Variants in ZNF416 observed in about 807,000 individuals in gnomAD.
The protein encoded by ZNF416 is zinc finger protein 416.
A neutral mutation model predicts 10.9 loss-of-function variants in ZNF416; 5 were observed. The ratio of observed to expected loss-of-function variants is 0.46; its 90% CI spans 0.24 to 0.97. ZNF416 has a LOEUF of 0.97. Ranked by LOEUF, ZNF416 falls within the 50% of genes least tolerant of loss-of-function variation. ZNF416 has a pLI of 0.19. For missense variants in ZNF416, 675 were observed against 715.0 expected, an observed-to-expected ratio of 0.94 and a Z score of 0.64; for synonymous variants, 267 against 251.8, an observed-to-expected ratio of 1.06 and a Z score of -0.57.
chr19:57,574,160 C>T (rs1055850919), intron 3 of ZNF416, among the ~76,000 whole-genome samples: 3 of 152,200 alleles, frequency 2.0e-5, no homozygotes, highest in African/African-American at 7.2e-5. Context: ...ATCCAGAGCC[C>T]ATACTCCCAA....
Position 57,572,957 on chromosome 19 carries a change from T to C in ZNF416, c.947A>G (p.His316Arg), listed in dbSNP as rs775701329. The change falls in exon 4 of 4, where the codon CAT (histidine) becomes CGT (arginine). Residue 316 changes from histidine to arginine, a missense_variant. Transcript: ENST00000196489. The surrounding 1 kb of genome is among the most constrained non-coding windows in gnomAD (Gnocchi z 4.5). ...SFSQRATLIK[H>R]HRVHTGERPY... ...CCTTTCTCCAGTGTGAACTCTGTGATGTTTAATGAGGGTGGCTCTTTGGCT... is the reference window on the plus strand; with the variant it reads ...CCTTTCTCCAGTGTGAACTCTGTGACGTTTAATGAGGGTGGCTCTTTGGCT... 1.2e-6 allele frequency: 2 copies of C among 1,614,208 alleles called. No individual in the cohort carries two copies. The highest frequency in any genetic ancestry group is 2.2e-5 in the South Asian group (2 of 91,084).
Position 57,573,317 on chromosome 19 carries a change from T to C in ZNF416, c.587A>G (p.Glu196Gly). 1 of 1,614,276 alleles carries C rather than the reference T, an allele frequency of 6.2e-7. No homozygotes were observed. The highest frequency in any genetic ancestry group is 8.5e-7 in the Non-Finnish European group (1 of 1,180,044). The change falls in exon 4 of 4, where the codon GAG (glutamate) becomes GGG (glycine). Residue 196 changes from glutamate (E) to glycine (G), a missense_variant. Coordinates refer to ENST00000196489, the MANE Select transcript of ZNF416 (RefSeq NM_017879.3). The part of the protein sequence containing the change: ...ILQPQAIANY[E>G]KPNKISKCEE... ...ACATTTGCTGATTTTGTTTGGCTTCTCATAGTTAGCAATAGCTTGCGGCTG... is the reference window on the plus strand; with the variant it reads ...ACATTTGCTGATTTTGTTTGGCTTCCCATAGTTAGCAATAGCTTGCGGCTG...
chr19:57,578,583 G>T, intron 1 of ZNF416, 89 bp downstream of exon 1: 1 of 1,391,630 alleles, frequency 7.2e-7, no homozygotes, highest in Non-Finnish European at 9.6e-7. Flanking sequence ...CTAGGGTCGG[G>T]CTGCAGGGAC....
At chr19:57,577,908 G>T in intron 2 of ZNF416, 149 bp downstream of exon 2, 1 of 802,740 alleles carries the variant, frequency 1.2e-6, no homozygotes, top group Non-Finnish European at 2.0e-6. Flanking sequence ...CCAGCTTCCA[G>T]CCTGGATGTA....
intron 2 of ZNF416, among the ~76,000 whole-genome samples, chr19:57,576,456 A>G (rs943713989): frequency 2.0e-5 from 3 of 152,050 alleles, no homozygotes; most frequent in African/African-American, 7.2e-5. Flanking sequence ...AGTGCTTGGC[A>G]AACTGAAATG....
rs1204800697 is a variant in ZNF416, at chr19:57,575,167, G to A, written c.202+637C>T. ...GATTAGAAAACAGGCTGGATGCCAT[G>A]TCCTCACCCAGGTGCCACTGACTGA... On this transcript the variant is annotated intron_variant, in intron 3 of 3. Coordinates refer to ENST00000196489, the MANE Select transcript of ZNF416 (RefSeq NM_017879.3). This position sits in a 1 kb window ranked among gnomAD's most constrained non-coding sequence, Gnocchi z 4.4. 2.6e-5 allele frequency among the ~76,000 whole-genome samples: 4 copies of A among 152,174 alleles called. No homozygotes were observed. Among genetic ancestry groups the A allele is most frequent in the African/African-American group, 9.7e-5 (4 of 41,418 alleles).
Position 57,578,727 on chromosome 19 carries a change from C to A in ZNF416, c.-23G>T. On this transcript the variant is annotated 5_prime_UTR_variant, in exon 1 of 4. Transcript: ENST00000196489. ...CATCGGATTGTGAGCGGAGCGGGGCCGGGAGCGGCGGGCGACCCGGGGCGG... is the reference window on the plus strand; with the variant it reads ...CATCGGATTGTGAGCGGAGCGGGGCAGGGAGCGGCGGGCGACCCGGGGCGG... 1.4e-6 allele frequency: 2 copies of A among 1,464,494 alleles called. No homozygotes were observed. The highest frequency in any genetic ancestry group is 1.8e-6 in the Non-Finnish European group (2 of 1,103,694). The allele number at this position is 1,464,494 out of a possible 1,614,324, so 90.7% of individuals were successfully genotyped here. A position where few individuals can be genotyped will look rare whatever the true frequency, so the allele number is the denominator to read the frequency against.
chr19:57,575,890 T>A lies in ZNF416; in HGVS notation c.116A>T (p.Gln39Leu). ...CTCATCAAGGAGCCCCCATTCTTCC[T>A]GGGAGAAGTAAATGGCCACGTCCTC... ...TFEDVAIYFS[Q>L]EEWGLLDEAQ... The change falls in exon 3 of 4, where the codon CAG becomes CTG. Residue 39 changes from glutamine to leucine, a missense_variant. By Grantham distance (113) the Gln-to-Leu change is moderately radical. Coordinates refer to ENST00000196489, the MANE Select transcript of ZNF416 (RefSeq NM_017879.3). The surrounding 1 kb of genome is among the most constrained non-coding windows in gnomAD (Gnocchi z 4.4). 6.2e-7 allele frequency: 1 copy of A among 1,614,094 alleles called. No homozygotes were observed. The highest frequency in any genetic ancestry group is 8.5e-7 in the Non-Finnish European group (1 of 1,179,994).
Position 57,572,717 on chromosome 19 carries a change from C to G in ZNF416, c.1187G>C (p.Ser396Thr), listed in dbSNP as rs1418776782. 3 of 1,613,728 alleles carry G rather than the reference C, an allele frequency of 1.9e-6. No homozygotes were observed. The highest frequency in any genetic ancestry group is 4.5e-5 in the East Asian group (2 of 44,824). ...GTGAATTCTCTGGTGTACAACAAGGCTGAAGCTTTGTCTGAATAATTTCCC... is the reference window on the plus strand; with the variant it reads ...GTGAATTCTCTGGTGTACAACAAGGGTGAAGCTTTGTCTGAATAATTTCCC... ...ECGKLFRQSF[S>T]LVVHQRIHTT... The change falls in exon 4 of 4, where the codon AGC becomes ACC. Residue 396 changes from serine (S) to threonine (T), a missense_variant. By Grantham distance (58) the Ser-to-Thr change is moderately conservative (BLOSUM62 1). Transcript: ENST00000196489. The surrounding 1 kb of genome is among the most constrained non-coding windows in gnomAD (Gnocchi z 4.5).
rs530151698 is a variant in ZNF416 at position 57,578,563 on chromosome 19, G to A, written c.33+109C>T. The stretch of plus-strand genomic sequence containing the variant: ...GAGCCCCACCCGCGAGGGCCTCATA[G>A]TCCTGGACTCTAGGGTCGGGCTGCA... On this transcript the variant is annotated intron_variant, in intron 1 of 3. Coordinates refer to ENST00000196489, the MANE Select transcript of ZNF416 (RefSeq NM_017879.3). 4.9e-3 allele frequency: 6,407 copies of A among 1,294,760 alleles called. 21 individuals carry two copies. Among genetic ancestry groups the A allele is most frequent in the Non-Finnish European group, 6.0e-3 (5,829 of 969,356 alleles). The allele number at this position is 1,294,760 out of a possible 1,614,324, so 80.2% of individuals were successfully genotyped here.
Sources: allele counts gnomAD v4.1 joint callset (sites outside exome capture counted in the v4.1 genomes callset), GRCh38; gene constraint gnomAD v4.1.1; non-coding constraint Gnocchi (gnomAD v3.1); transcripts MANE v1.5; gene names NCBI Gene and HGNC (gene_info 2026-07-23, HGNC 2026-07-21).